The following NFASC variants were observed in gnomAD, a reference collection of about 807,000 sequenced individuals.
NFASC encodes the protein neurofascin.
A neutral mutation model predicts 147.5 loss-of-function variants in NFASC; 43 were observed. The observed-to-expected ratio is 0.29, with a 90% CI of 0.23 to 0.38. The LOEUF (loss-of-function observed/expected upper bound fraction) is 0.38. Ranked by LOEUF, NFASC falls within the 10% of genes least tolerant of loss-of-function variation. NFASC has a pLI of 1.00. For synonymous variants in NFASC, 622 were observed against 665.5 expected, an observed-to-expected ratio of 0.93 and a Z score of 1.01; for missense variants, 1,320 against 1,689.0, an observed-to-expected ratio of 0.78 and a Z score of 3.83.
chr1:204,956,248 C>T (rs2094426617), intron 7 of NFASC, among the ~76,000 whole-genome samples: 1 of 152,218 alleles, frequency 6.6e-6, no homozygotes, highest in Admixed American at 6.5e-5. Flanking sequence ...TTGATAGTTT[C>T]ATTCATCTGC....
chr1:204,873,999 G>A (rs1166321012), intron 1 of NFASC, among the ~76,000 whole-genome samples: 1 of 152,184 alleles, frequency 6.6e-6, no homozygotes, highest in Admixed American at 6.5e-5. Flanking sequence ...CCCTAGCTGG[G>A]TGACCTCTGG....
At chr1:204,977,058 T>C (rs2095421805) in intron 16 of NFASC, 4 of 1,245,624 alleles carry the variant, frequency 3.2e-6, no homozygotes, top group Admixed American at 4.2e-5. Flanking sequence ...ATAGAGAAAG[T>C]GGAGAGGGGT....
At chr1:204,903,914 G>A (rs549004139) in intron 1 of NFASC, among the ~76,000 whole-genome samples, 1 of 152,298 alleles carries the variant, frequency 6.6e-6, no homozygotes, top group Admixed American at 6.5e-5. Flanking sequence ...GGGTTGTAGG[G>A]TGTTTGTTGA....
rs1573679065 is a variant in NFASC at position 204,954,998 on chromosome 1, G to A, written c.535+47G>A. 3 of 1,603,884 alleles carry A rather than the reference G, an allele frequency of 1.9e-6. No individual in the cohort carries two copies. In the East Asian group the frequency reaches 6.7e-5, roughly 36 times the overall value. On this transcript the variant is annotated intron_variant, in intron 7 of 29. Transcript: ENST00000339876. This position sits in a 1 kb window ranked among gnomAD's most constrained non-coding sequence, Gnocchi z 5.7. ...TTGTGTTTATATCTTAACCTTAGGG[G>A]GTGGGGTGGGTGTGTTAAGTGGGGA... is the stretch of plus-strand genomic sequence containing the variant.
In NFASC at chr1:204,877,028, A is replaced by AT. The variant is rs71147719; in HGVS notation, c.-199-43604_-199-43603insT. ...TATATATATATATATATATATATAT[A>AT]ATATATATTTATATATATATAATAT... On this transcript the variant is annotated intron_variant, in intron 1 of 29. Transcript: ENST00000339876. 9.8e-4 allele frequency among the ~76,000 whole-genome samples: 83 copies of AT among 84,416 alleles called. 2 individuals carry two copies. Among genetic ancestry groups the AT allele is most frequent in the African/African-American group, 3.7e-3 (46 of 12,524 alleles). The allele number at this position is 84,416 out of a possible 152,430, so 55.4% of individuals were successfully genotyped here. A position where few individuals can be genotyped will look rare whatever the true frequency, so the allele number is the denominator to read the frequency against.
chr1:204,858,850 G>A (rs1035272539), intron 1 of NFASC, among the ~76,000 whole-genome samples: 1 of 152,168 alleles, frequency 6.6e-6, no homozygotes, highest in Non-Finnish European at 1.5e-5. Context: ...ACCCCAGTGA[G>A]GGGCCATCTC....
chr1:204,989,732 C>T (rs1016204015), intron 23 of NFASC: 9 of 152,350 alleles, frequency 5.9e-5, no homozygotes, highest in South Asian at 2.1e-4. Flanking sequence ...AAGCTCACAC[C>T]ATCTAGAGGG....
At position 204,954,738 on chromosome 1, in the gene NFASC, TCTC is replaced by T. The variant is rs2094344126; in HGVS notation, c.413-85_413-83del. On this transcript the variant is annotated intron_variant, in intron 6 of 29. Coordinates refer to ENST00000339876, the MANE Select transcript of NFASC (RefSeq NM_001005388.3). The surrounding 1 kb of genome is among the most constrained non-coding windows in gnomAD (Gnocchi z 5.7). ...TCCTTCTCCAGGTGCCCCTTCTGTT[TCTC>T]CTCCTTGCATGCCTGCCTCTGACCC... 4 of 1,470,106 alleles carry T rather than the reference TCTC, an allele frequency of 2.7e-6. No homozygotes were observed. Among genetic ancestry groups the T allele is most frequent in the Middle Eastern group, 1.8e-4 (1 of 5,634 alleles). The allele number at this position is 1,470,106 out of a possible 1,614,324, so 91.1% of individuals were successfully genotyped here.
intron 20 of NFASC, among the ~76,000 whole-genome samples, 179 bp from the exon 21 acceptor site, chr1:204,981,618 AC>A (rs1417889888): frequency 6.6e-6 from 1 of 152,212 alleles, no homozygotes; most frequent in East Asian, 1.9e-4. Context: ...GGTTCACAGG[AC>A]CTTGGGCTTT....
intron 23 of NFASC, chr1:204,989,901 A>C (rs979033730): frequency 4.6e-5 from 7 of 152,280 alleles, no homozygotes; most frequent in African/African-American, 1.7e-4. Flanking sequence ...TGCTTTCCAC[A>C]GAAGGGTCAG....
chr1:204,874,582 C>T (rs1448510185), intron 1 of NFASC, among the ~76,000 whole-genome samples: 1 of 152,208 alleles, frequency 6.6e-6, no homozygotes, highest in Non-Finnish European at 1.5e-5. Flanking sequence ...AATCTACTTC[C>T]CTCCACCCTC....
chr1:204,867,045 G>A (rs892449046), intron 1 of NFASC, among the ~76,000 whole-genome samples: 9 of 152,184 alleles, frequency 5.9e-5, no homozygotes, highest in African/African-American at 2.2e-4. Flanking sequence ...AAAAAAAGCA[G>A]CAGTGTAGAT....
At chr1:204,888,043 A>G (rs760999875) in intron 1 of NFASC, among the ~76,000 whole-genome samples, 4 of 152,220 alleles carry the variant, frequency 2.6e-5, no homozygotes, top group South Asian at 2.1e-4. Context: ...TTGTGATAAA[A>G]GAGACCCTGT....
Position 204,979,883 on chromosome 1 carries a change from T to G in NFASC, c.2176+324T>G, listed in dbSNP as rs2095479161. Among the ~76,000 whole-genome samples the G allele has an allele frequency of 6.6e-6, 1 of 152,218 alleles. No individual in the cohort carries two copies. The highest frequency in any genetic ancestry group is 1.5e-5 in the Non-Finnish European group (1 of 68,040). ...AAAGAGGTACAGCAGAAATACATAA[T>G]TCAGTGTGAGAAATATATAAATTGG... On this transcript the variant is annotated intron_variant, in intron 19 of 29. Transcript: ENST00000339876. The surrounding 1 kb of genome is among the most constrained non-coding windows in gnomAD (Gnocchi z 6.0).
chr1:204,858,372 A>G (rs1484500771), intron 1 of NFASC, among the ~76,000 whole-genome samples: 1 of 152,188 alleles, frequency 6.6e-6, no homozygotes, highest in East Asian at 1.9e-4. Context: ...CCAAATGTGC[A>G]TAATAATAAG....
At chr1:204,951,652 G>C (rs1378940082) in intron 4 of NFASC, among the ~76,000 whole-genome samples, 1 of 151,550 alleles carries the variant, frequency 6.6e-6, no homozygotes, top group Admixed American at 6.6e-5. Flanking sequence ...GTATTTTTTA[G>C]TAGAGACGGG....
intron 2 of NFASC, among the ~76,000 whole-genome samples, chr1:204,936,738 G>A (rs2092880956): frequency 6.6e-6 from 1 of 152,218 alleles, no homozygotes; most frequent in Non-Finnish European, 1.5e-5. Flanking sequence ...GGCAGCCAGA[G>A]TGGTCTTTAC....
intron 1 of NFASC, among the ~76,000 whole-genome samples, chr1:204,896,614 A>G (rs1393099855): frequency 6.6e-6 from 1 of 152,124 alleles, no homozygotes; most frequent in Admixed American, 6.5e-5. Flanking sequence ...TCTCTCATTC[A>G]TTTGTTCGTT....
Position 205,012,781 on chromosome 1 carries a change from TCTC to T in NFASC, c.3422-13_3422-11del, listed in dbSNP as rs773142277. On this transcript the variant is annotated splice_polypyrimidine_tract_variant and intron_variant, in intron 28 of 29. Transcript: ENST00000339876. Reference sequence around the variant, plus strand: ...TAATCGTCGTGTCTGTGTCTTTGCTTCTCCTTTTGACCAAGTACGAGAAAAGAA... The same window carrying T: ...TAATCGTCGTGTCTGTGTCTTTGCTTCTTTTGACCAAGTACGAGAAAAGAA... 4 of 1,601,618 alleles carry T rather than the reference TCTC, an allele frequency of 2.5e-6. No individual in the cohort carries two copies. The highest frequency in any genetic ancestry group is 1.7e-4 in the Middle Eastern group (1 of 6,032).
Sources: allele counts gnomAD v4.1 joint callset (sites outside exome capture counted in the v4.1 genomes callset), GRCh38; gene constraint gnomAD v4.1.1; non-coding constraint Gnocchi (gnomAD v3.1); transcripts MANE v1.5; gene names NCBI Gene and HGNC (gene_info 2026-07-23, HGNC 2026-07-21).